The following AFG3L2 variants were observed in gnomAD, a reference collection of about 807,000 sequenced individuals.
The protein encoded by AFG3L2 is AFG3 like matrix AAA peptidase subunit 2.
A neutral mutation model predicts 94.5 loss-of-function variants in AFG3L2; 54 were observed. The ratio of observed to expected loss-of-function variants is 0.57; its 90% CI spans 0.46 to 0.72. The LOEUF is 0.72. Among genes scored for constraint, AFG3L2 ranks in the 30% least tolerant of loss-of-function variants. The probability of loss-of-function intolerance (pLI) is 0.00; values close to 1 mark genes in which losing one functional copy is unlikely to be tolerated. For missense variants in AFG3L2, 754 were observed against 994.9 expected (o/e 0.76, Z 3.26); for synonymous variants, 377 against 365.5 (o/e 1.03, Z -0.36).
Position 12,367,386 on chromosome 18 carries a change from T to C in AFG3L2, c.293-4A>G. The C allele has an allele frequency of 6.2e-7, 1 of 1,613,892 alleles. No homozygotes were observed. Among genetic ancestry groups the C allele is most frequent in the Non-Finnish European group, 8.5e-7 (1 of 1,179,918 alleles). ...GTGGTAGCAGCTGGCTTTGATTCTG[T>C]TCATAAACAAAGAGCACACACAGAA... On this transcript the variant is annotated splice_region_variant and splice_polypyrimidine_tract_variant and intron_variant, in intron 3 of 16. Transcript: ENST00000269143.
chr18:12,371,488 C>T (rs889793609), intron 2 of AFG3L2, 104 bp downstream of exon 2: 16 of 867,260 alleles, frequency 1.8e-5, no homozygotes, highest in Non-Finnish European at 2.5e-5. Context: ...ATATCTTCAT[C>T]GCTGTAATCA....
At chr18:12,333,064 TCTATTATATAA>T (rs1158017985) in intron 16 of AFG3L2, among the ~76,000 whole-genome samples, 18 of 13,364 alleles carry the variant, frequency 1.3e-3, no homozygotes, top group East Asian at 6.8e-3. Context: ...TAGATTATAA[TCTATTATATAA>T]CTATTATATA....
rs767666933 is a variant in AFG3L2, at chr18:12,340,365, C to T, written c.1816G>A (p.Ala606Thr). The T allele has an allele frequency of 4.3e-6, 7 of 1,614,154 alleles. No individual in the cohort carries two copies. Among genetic ancestry groups the T allele is most frequent in the Non-Finnish European group, 5.9e-6 (7 of 1,180,004 alleles). The change falls in exon 15 of 17, where the codon GCT (alanine) becomes ACT (threonine). Residue 606 changes from alanine to threonine, a missense_variant. Ala to Thr is a moderately conservative substitution (Grantham distance 58). Around this residue, in one of 4 missense-constraint regions of AFG3L2, gnomAD observed 279 missense variants for 378.6 expected, o/e 0.74. Coordinates refer to ENST00000269143, the MANE Select transcript of AFG3L2 (RefSeq NM_006796.3). ...TATTGTTCTTTTGGTAAATACTGAG[C>T]ATAACCTAGTCCTTTGCCACGTGGG... ...IIPRGKGLGY[A>T]QYLPKEQYLY...
rs180893506 is a variant in AFG3L2 at position 12,369,396 on chromosome 18, A to G, written c.292+1453T>C. 3.2e-3 allele frequency among the ~76,000 whole-genome samples: 482 copies of G among 152,194 alleles called. 3 individuals are homozygous for G. Among genetic ancestry groups the G allele is most frequent in the Non-Finnish European group, 5.2e-3 (356 of 68,002 alleles). ...TTACTCCTTTGCATTCTTTGGGCAT[A>G]TATTTGTCTGTCCAACTAGATGACA... On this transcript the variant is annotated intron_variant, in intron 3 of 16. Transcript: ENST00000269143.
chr18:12,364,990 A>G (rs1908764110), intron 5 of AFG3L2, among the ~76,000 whole-genome samples: 1 of 152,188 alleles, frequency 6.6e-6, no homozygotes. Flanking sequence ...TCTTAGTAAC[A>G]CTGTTAAAAC....
At chr18:12,376,892 C>A in intron 1 of AFG3L2, 77 bp downstream of exon 1, 1 of 1,167,604 alleles carries the variant, frequency 8.6e-7, no homozygotes, top group Non-Finnish European at 1.1e-6. Context: ...GGGCCAGTGA[C>A]CTTGACGTCC....
chr18:12,366,041 A>C (rs1220200018), intron 5 of AFG3L2, among the ~76,000 whole-genome samples: 1 of 151,796 alleles, frequency 6.6e-6, no homozygotes, highest in African/African-American at 2.4e-5. Flanking sequence ...CACCCGGCTA[A>C]TTTTTTGTAT....
At chr18:12,343,928 G>A (rs1454119145) in intron 14 of AFG3L2, 1 of 606,698 alleles carries the variant, frequency 1.6e-6, no homozygotes, top group African/African-American at 1.8e-5. Context: ...GACACTCTGT[G>A]GTCCCTTTAA....
intron 15 of AFG3L2, among the ~76,000 whole-genome samples, chr18:12,339,088 A>G (rs1201495522): frequency 6.6e-6 from 1 of 151,128 alleles, no homozygotes; most frequent in African/African-American, 2.4e-5. Flanking sequence ...GCCTGCCTCT[A>G]CTAAAGATAC....
chr18:12,369,440 G>A (rs1337884912), intron 3 of AFG3L2, among the ~76,000 whole-genome samples: 1 of 152,116 alleles, frequency 6.6e-6, no homozygotes, highest in Non-Finnish European at 1.5e-5. Context: ...TAAAAACGTG[G>A]ACTCCTCGAG....
chr18:12,356,601 C>G (rs374229577), intron 9 of AFG3L2, 93 bp downstream of exon 9: 1 of 1,577,654 alleles, frequency 6.3e-7, no homozygotes, highest in Non-Finnish European at 8.7e-7. Context: ...CTCTAGCACT[C>G]TAGGGGGAAG....
chr18:12,351,530 T>A, intron 10 of AFG3L2, 117 bp from the exon 11 acceptor site: 1 of 885,738 alleles, frequency 1.1e-6, no homozygotes, highest in Non-Finnish European at 1.8e-6. Flanking sequence ...CATTTTCTAT[T>A]CATTATCTAG....
rs773797709 is a variant in AFG3L2, at chr18:12,360,001, C to T, written c.678G>A (p.Leu226=). Residue 226 remains leucine, a synonymous_variant, in exon 7 of 17, where the codon CTG becomes CTA. Coordinates refer to ENST00000269143, the MANE Select transcript of AFG3L2 (RefSeq NM_006796.3). ...IGSVDTFERN[L]ETLQQELGIE... ...TGCCCAATTCCTGCTGTAAAGTTTC[C>T]AGATTCCGTTCAAAGGTGTCCACAC... is the stretch of plus-strand genomic sequence containing the variant. 8.1e-6 allele frequency: 13 copies of T among 1,614,128 alleles called. No homozygotes were observed. The highest frequency in any genetic ancestry group is 1.7e-5 in the Admixed American group (1 of 60,006).
At chr18:12,364,120 C>T (rs186276291) in intron 5 of AFG3L2, among the ~76,000 whole-genome samples, 29 of 152,320 alleles carry the variant, frequency 1.9e-4, no homozygotes, top group African/African-American at 6.7e-4. Context: ...TAACCCTACA[C>T]GATATGCACA....
intron 1 of AFG3L2, among the ~76,000 whole-genome samples, chr18:12,372,802 C>G (rs1029255456): frequency 6.6e-6 from 1 of 152,128 alleles, no homozygotes; most frequent in Non-Finnish European, 1.5e-5. Flanking sequence ...TATTATGATT[C>G]CATTTATACG....
intron 1 of AFG3L2, among the ~76,000 whole-genome samples, chr18:12,375,846 T>A (rs1294767429): frequency 6.7e-6 from 1 of 149,986 alleles, no homozygotes; most frequent in Non-Finnish European, 1.5e-5. Flanking sequence ...AGAAACTTTT[T>A]AAAAATCAAC....
chr18:12,376,569 C>T (rs1378810463), intron 1 of AFG3L2, among the ~76,000 whole-genome samples: 1 of 152,230 alleles, frequency 6.6e-6, no homozygotes, highest in Admixed American at 6.5e-5. Flanking sequence ...AGAGGTTAGG[C>T]AGCCCGACTC....
chr18:12,362,120 A>C (rs1195430552), intron 6 of AFG3L2, among the ~76,000 whole-genome samples: 2 of 152,216 alleles, frequency 1.3e-5, no homozygotes, highest in Non-Finnish European at 2.9e-5. Flanking sequence ...ATGCACACTA[A>C]AATTTGAAAA....
At position 12,355,941 on chromosome 18, in the gene AFG3L2, G is replaced by A. The variant is rs146095730; in HGVS notation, c.1164+753C>T. Among the ~76,000 whole-genome samples the A allele has an allele frequency of 2.8e-3, 430 of 152,094 alleles. 3 individuals are homozygous for A. Among genetic ancestry groups the A allele is most frequent in the African/African-American group, 9.7e-3 (402 of 41,496 alleles). Reference sequence around the variant, plus strand: ...CCTGCCTTGGCCTCCCAAAGTGCTGGGATATCAAGTGTGAGCCACCACGCC... The same window carrying A: ...CCTGCCTTGGCCTCCCAAAGTGCTGAGATATCAAGTGTGAGCCACCACGCC... On this transcript the variant is annotated intron_variant, in intron 9 of 16. Coordinates refer to ENST00000269143, the MANE Select transcript of AFG3L2 (RefSeq NM_006796.3).
Sources: allele counts gnomAD v4.1 joint callset (sites outside exome capture counted in the v4.1 genomes callset), GRCh38; gene constraint gnomAD v4.1.1; regional missense constraint gnomAD v4.1.1; transcripts MANE v1.5; gene names NCBI Gene and HGNC (gene_info 2026-07-23, HGNC 2026-07-21).